The following LRRK1 variants were observed in gnomAD, a reference collection of about 807,000 sequenced individuals.
LRRK1 encodes the protein leucine-rich repeat serine/threonine-protein kinase 1.
A neutral mutation model predicts 209.1 loss-of-function variants in LRRK1; 113 were observed. The observed-to-expected ratio is 0.54, with a 90% CI of 0.46 to 0.63. The LOEUF (loss-of-function observed/expected upper bound fraction) is 0.63, where lower values mean the gene tolerates loss of function less well. Among genes scored for constraint, LRRK1 ranks in the 30% least tolerant of loss-of-function variants. LRRK1 has a pLI of 0.00. For missense variants in LRRK1, 2,284 were observed against 2,632.2 expected, an observed-to-expected ratio of 0.87 and a Z score of 2.89; for synonymous variants, 1,144 against 1,099.7, an observed-to-expected ratio of 1.04 and a Z score of -0.80.
At chr15:101,023,917 C>A (rs542104610) in intron 15 of LRRK1, among the ~76,000 whole-genome samples, 3 of 152,216 alleles carry the variant, frequency 2.0e-5, no homozygotes, top group African/African-American at 7.2e-5. Flanking sequence ...GAACCAGAAT[C>A]CTCTGCATTC....
At chr15:101,050,117 T>C (rs962563299) in intron 23 of LRRK1, among the ~76,000 whole-genome samples, 2 of 152,120 alleles carry the variant, frequency 1.3e-5, no homozygotes, top group Non-Finnish European at 2.9e-5. Context: ...TGTCTTGTTT[T>C]CATAGTGAGG....
chr15:100,998,886 A>T (rs2141680284), intron 6 of LRRK1, among the ~76,000 whole-genome samples: 1 of 150,614 alleles, frequency 6.6e-6, no homozygotes, highest in Admixed American at 6.6e-5. Context: ...ATGGATGAAC[A>T]GGTGGGTGGG....
chr15:100,978,967 A>G (rs2031452762), intron 3 of LRRK1, among the ~76,000 whole-genome samples: 1 of 152,208 alleles, frequency 6.6e-6, no homozygotes, highest in Admixed American at 6.5e-5. Flanking sequence ...AATGCCCATT[A>G]TGAATGTGGA....
intron 30 of LRRK1, among the ~76,000 whole-genome samples, chr15:101,061,834 C>A (rs1424943804): frequency 2.6e-5 from 4 of 152,178 alleles, no homozygotes; most frequent in Non-Finnish European, 4.4e-5. Flanking sequence ...CATAGTGAAA[C>A]CCCGTCTCTA....
chr15:100,925,393 C>G (rs1321899751), intron 2 of LRRK1, among the ~76,000 whole-genome samples: 1 of 152,182 alleles, frequency 6.6e-6, no homozygotes, highest in African/African-American at 2.4e-5. Flanking sequence ...AAACAAACAT[C>G]ATTATCTGCG....
At chr15:100,976,877 C>A (rs536403733) in intron 3 of LRRK1, among the ~76,000 whole-genome samples, 1 of 152,176 alleles carries the variant, frequency 6.6e-6, no homozygotes, top group African/African-American at 2.4e-5. Context: ...TAATCTCTAG[C>A]AGCTGTTTTG....
At chr15:100,938,961 C>T (rs984705859) in intron 2 of LRRK1, among the ~76,000 whole-genome samples, 1 of 140,462 alleles carries the variant, frequency 7.1e-6, no homozygotes, top group African/African-American at 2.5e-5. Context: ...GGCATGGTGG[C>T]GGGCACCTGT....
At chr15:100,928,809 G>C (rs983892431) in intron 2 of LRRK1, among the ~76,000 whole-genome samples, 36 of 152,306 alleles carry the variant, frequency 2.4e-4, no homozygotes, top group African/African-American at 8.7e-4. Context: ...CTGGATGTGG[G>C]GGGCTTTGCC....
intron 15 of LRRK1, among the ~76,000 whole-genome samples, chr15:101,023,920 C>A (rs963157104): frequency 5.9e-5 from 9 of 152,234 alleles, no homozygotes; most frequent in African/African-American, 2.2e-4. Context: ...CCAGAATCCT[C>A]TGCATTCTCT....
intron 3 of LRRK1, among the ~76,000 whole-genome samples, chr15:100,980,171 A>G (rs1042815425): frequency 6.6e-6 from 1 of 152,214 alleles, no homozygotes; most frequent in Non-Finnish European, 1.5e-5. Flanking sequence ...ACTGGATACA[A>G]CCAAAGACTC....
chr15:100,997,990 C>T (rs1158212290), intron 6 of LRRK1, among the ~76,000 whole-genome samples: 3 of 152,014 alleles, frequency 2.0e-5, no homozygotes, highest in African/African-American at 7.2e-5. Flanking sequence ...ACCAGCCTGG[C>T]CAACATGGTG....
chr15:101,022,574 A>G lies in LRRK1; in HGVS notation c.2044A>G (p.Arg682Gly). ...TIRTTKWELQRPAGSRAKVES... is the reference protein window; with the variant it reads ...TIRTTKWELQGPAGSRAKVES... ...CAGGACCACCAAGTGGGAGCTCCAG[A>G]GGCCGGCTGGCTCGAGAGCCAAGGT... The change falls in exon 15 of 34, where the codon AGG becomes GGG. Residue 682 changes from arginine to glycine, a missense_variant. By Grantham distance (125) the Arg-to-Gly change is moderately radical. Transcript: ENST00000388948. The surrounding 1 kb of genome is among the most constrained non-coding windows in gnomAD (Gnocchi z 4.0). 6.2e-7 allele frequency: 1 copy of G among 1,612,724 alleles called. No individual in the cohort carries two copies. Among genetic ancestry groups the G allele is most frequent in the Non-Finnish European group, 8.5e-7 (1 of 1,179,708 alleles).
intron 12 of LRRK1, 117 bp from the exon 13 acceptor site, chr15:101,020,936 A>G: frequency 1.8e-6 from 2 of 1,120,334 alleles, no homozygotes; most frequent in Non-Finnish European, 2.6e-6. Flanking sequence ...TTTTGTTCTG[A>G]TAGGCTTGCC....
chr15:100,993,260 G>T (rs1194491193), intron 6 of LRRK1, among the ~76,000 whole-genome samples: 3 of 152,058 alleles, frequency 2.0e-5, no homozygotes, highest in African/African-American at 7.2e-5. Flanking sequence ...ATTTTAGCTT[G>T]TTGATTACAG....
Position 101,055,164 on chromosome 15 carries a change from G to A in LRRK1, c.4273G>A (p.Glu1425Lys), listed in dbSNP as rs1296053613. 6.2e-7 allele frequency: 1 copy of A among 1,610,848 alleles called. No homozygotes were observed. The highest frequency in any genetic ancestry group is 1.7e-5 in the Admixed American group (1 of 59,652). Reference protein sequence around the residue: ...QSFHEGALGVEGTPGYQAPEI... With the variant: ...QSFHEGALGVKGTPGYQAPEI... Reference sequence around the variant, plus strand: ...ATTCCATGAGGGCGCCCTAGGCGTGGAGGGCACTCCTGGCTACCAGGCCCC... The same window carrying A: ...ATTCCATGAGGGCGCCCTAGGCGTGAAGGGCACTCCTGGCTACCAGGCCCC... The change falls in exon 27 of 34, where the codon GAG (glutamate) becomes AAG (lysine). Residue 1425 changes from glutamate (E) to lysine (K), a missense_variant. By Grantham distance (56) the Glu-to-Lys change is moderately conservative. This residue lies in a region of LRRK1 where 59 missense variants were observed against 103.8 expected (regional missense o/e 0.57). Transcript: ENST00000388948.
Position 101,065,493 on chromosome 15 carries a change from G to T in LRRK1, c.5056G>T (p.Ala1686Ser). The T allele has an allele frequency of 1.2e-6, 2 of 1,614,204 alleles. No homozygotes were observed. Among genetic ancestry groups the T allele is most frequent in the Non-Finnish European group, 1.7e-6 (2 of 1,180,040 alleles). The change falls in exon 32 of 34, where the codon GCA becomes TCA. Residue 1686 changes from alanine (A) to serine (S), a missense_variant. Ala to Ser is a moderately conservative substitution (Grantham distance 99). Transcript: ENST00000388948. ...RSKFSIADEDARQNPYPVKAM... is the reference protein window; with the variant it reads ...RSKFSIADEDSRQNPYPVKAM... ...CAAGTTCAGCATCGCGGATGAAGAC[G>T]CACGGCAGAACCCCTACCCAGTGAA...
At chr15:101,061,015 C>T (rs879573007) in intron 29 of LRRK1, among the ~76,000 whole-genome samples, 156 bp from the exon 30 acceptor site, 9 of 152,238 alleles carry the variant, frequency 5.9e-5, no homozygotes, top group Non-Finnish European at 1.2e-4. Context: ...CATTACCCTT[C>T]GGGCAGAACC....
chr15:100,939,377 A>G lies in LRRK1; in HGVS notation c.97+14648A>G, dbSNP rs138417110. 9.1e-4 allele frequency among the ~76,000 whole-genome samples: 139 copies of G among 152,300 alleles called. 1 individual carries two copies. The highest frequency in any genetic ancestry group is 4.8e-3 in the South Asian group (23 of 4,832). ...ATTGCATTTCTATGTGTGGCCTGAC[A>G]TGTTCCCACCTTCCCTATGTTTTTG... On this transcript the variant is annotated intron_variant, in intron 2 of 33. Transcript: ENST00000388948.
intron 28 of LRRK1, among the ~76,000 whole-genome samples, chr15:101,057,583 A>G (rs903930332): frequency 1.3e-5 from 2 of 152,218 alleles, no homozygotes; most frequent in Admixed American, 1.3e-4. Flanking sequence ...GCATGGTGAC[A>G]TGGACTTATA....
Sources: gnomAD v4.1 joint callset for allele counts (sites outside exome capture counted in the v4.1 genomes callset) on GRCh38, gnomAD v4.1.1 for gene constraint, gnomAD v4.1.1 regional missense constraint, Gnocchi (gnomAD v3.1) non-coding constraint, MANE v1.5 for transcripts, NCBI Gene and HGNC (gene_info 2026-07-23, HGNC 2026-07-21) for gene names.